MBTD1: variants seen among roughly 807,000 people sequenced by gnomAD.
MBTD1 encodes MBT domain-containing protein 1.
In MBTD1, 24 loss-of-function variants were observed where a neutral mutation model predicts 87.8. The ratio of observed to expected loss-of-function variants is 0.27; its 90% CI spans 0.20 to 0.38. The LOEUF is 0.38. Ranked by LOEUF, MBTD1 falls within the 10% of genes least tolerant of loss-of-function variation. The probability of loss-of-function intolerance (pLI) is 1.00; values close to 1 mark genes in which losing one functional copy is unlikely to be tolerated. For missense variants in MBTD1, 436 were observed against 760.2 expected (o/e 0.57, Z 5.02); for synonymous variants, 237 against 248.6 (o/e 0.95, Z 0.44).
At chr17:51,196,225 CTT>C (rs770871296) in intron 12 of MBTD1, among the ~76,000 whole-genome samples, 30 of 134,592 alleles carry the variant, frequency 2.2e-4, no homozygotes, top group African/African-American at 4.9e-4. Context: ...CCCACCCTGC[CTT>C]TTTTTTTTTT....
intron 12 of MBTD1, among the ~76,000 whole-genome samples, chr17:51,198,294 T>G (rs1414476792): frequency 2.0e-5 from 3 of 152,224 alleles, no homozygotes; most frequent in Non-Finnish European, 4.4e-5. Flanking sequence ...CAACCTCTGT[T>G]CAGGCCAGTA....
chr17:51,195,491 T>C (rs1426849246), intron 12 of MBTD1, 130 bp from the exon 13 acceptor site: 18 of 612,446 alleles, frequency 2.9e-5, no homozygotes, highest in Non-Finnish European at 4.0e-5. Flanking sequence ...TGCTTCTCTA[T>C]TGAGTTATGT....
intron 2 of MBTD1, among the ~76,000 whole-genome samples, chr17:51,257,058 A>G (rs888050629): frequency 6.6e-6 from 1 of 152,222 alleles, no homozygotes; most frequent in African/African-American, 2.4e-5. Context: ...AAAATCCTTA[A>G]GCCAAGGTTT....
upstream of MBTD1, chr17:51,260,481 T>G: frequency 5.4e-6 from 7 of 1,288,816 alleles, no homozygotes; most frequent in Non-Finnish European, 6.3e-6. Flanking sequence ...CTGCGCAGGC[T>G]CCTTCCGGCC....
At chr17:51,223,763 G>A (rs1225209208) in intron 3 of MBTD1, among the ~76,000 whole-genome samples, 1 of 152,084 alleles carries the variant, frequency 6.6e-6, no homozygotes. Context: ...TTGAACCCGG[G>A]AGGTGGAGGC....
intron 13 of MBTD1, 43 bp from the exon 14 acceptor site, chr17:51,193,553 A>AT: frequency 1.9e-6 from 2 of 1,059,998 alleles, no homozygotes; most frequent in Non-Finnish European, 2.9e-6. Flanking sequence ...ATTTAAAATT[A>AT]GCATAATATT....
chr17:51,186,419 G>C (rs1218345479), intron 16 of MBTD1: 2 of 151,672 alleles, frequency 1.3e-5, no homozygotes, highest in South Asian at 4.2e-4. Context: ...CGAGAGTCTG[G>C]TAATAACTAG....
At chr17:51,222,436 G>A (rs6504697) in intron 3 of MBTD1, among the ~76,000 whole-genome samples, 15,170 of 152,066 alleles carry the variant, frequency 0.1, 1,153 homozygotes, top group African/African-American at 0.2. Context: ...ACACAGTCTC[G>A]CTCTGTCACC....
rs769822593 is a variant in MBTD1 at position 51,201,711 on chromosome 17, G to A, written c.1120-15C>T. ...ACTTCTTTTACCTAAAGAATTATATGAAAGCACATCTACTGTTACAAATGT... is the reference window on the plus strand; with the variant it reads ...ACTTCTTTTACCTAAAGAATTATATAAAAGCACATCTACTGTTACAAATGT... On this transcript the variant is annotated splice_polypyrimidine_tract_variant and intron_variant, in intron 11 of 16. Transcript: ENST00000586178. The A allele has an allele frequency of 2.4e-5, 35 of 1,435,028 alleles. No individual in the cohort carries two copies. Among genetic ancestry groups the A allele is most frequent in the Non-Finnish European group, 3.1e-5 (32 of 1,022,292 alleles). 88.9% of individuals were successfully genotyped at this position (1,435,028 alleles called of 1,614,324 possible). A position where few individuals can be genotyped will look rare whatever the true frequency, so the allele number is the denominator to read the frequency against.
At position 51,217,359 on chromosome 17, in the gene MBTD1, G is replaced by C. The variant is rs1262851076; in HGVS notation, c.461C>G (p.Ala154Gly). ...ATGTTTAAAACAGGTAACCGGAGCT[G>C]CTATAAAGCTATTGCTATTGATGTA... ...GNYINSNSFI[A>G]APVTCFKHAP... The change falls in exon 6 of 17, where the codon GCA (alanine) becomes GGA (glycine). Residue 154 changes from alanine to glycine, a missense_variant. Physicochemically the swap from Ala to Gly is moderately conservative, Grantham distance 60. Around this residue, in one of 5 missense-constraint regions of MBTD1, gnomAD observed 268 missense variants for 401.8 expected, o/e 0.67. Coordinates refer to ENST00000586178, the MANE Select transcript of MBTD1 (RefSeq NM_017643.3). 6.5e-7 allele frequency: 1 copy of C among 1,538,660 alleles called. No individual in the cohort carries two copies. The highest frequency in any genetic ancestry group is 2.1e-5 in the Admixed American group (1 of 48,718).
At chr17:51,226,211 C>A (rs1292635670) in intron 2 of MBTD1, among the ~76,000 whole-genome samples, 3 of 150,632 alleles carry the variant, frequency 2.0e-5, no homozygotes, top group Non-Finnish European at 4.4e-5. Flanking sequence ...AACAAAAAAA[C>A]CATATAAAAA....
At chr17:51,181,181 C>T (rs1323138020) in intron 16 of MBTD1, among the ~76,000 whole-genome samples, 1 of 152,064 alleles carries the variant, frequency 6.6e-6, no homozygotes, top group Non-Finnish European at 1.5e-5. Flanking sequence ...CACCCACCAC[C>T]ACGCCCAGCT....
intron 13 of MBTD1, 145 bp downstream of exon 13, chr17:51,195,069 A>G (rs2051022067): frequency 1.7e-6 from 1 of 572,724 alleles, no homozygotes; most frequent in East Asian, 3.1e-5. Flanking sequence ...TTTTAGAGCA[A>G]CCTACAGCTC....
intron 2 of MBTD1, chr17:51,256,610 T>C (rs533946702): frequency 6.6e-6 from 1 of 152,328 alleles, no homozygotes; most frequent in African/African-American, 2.4e-5. Flanking sequence ...TGTGTGTATG[T>C]CCAGTATGCC....
At chr17:51,249,289 T>C (rs2054635233) in intron 2 of MBTD1, among the ~76,000 whole-genome samples, 1 of 152,128 alleles carries the variant, frequency 6.6e-6, no homozygotes, top group Non-Finnish European at 1.5e-5. Context: ...ATTAGGGATA[T>C]ACTTGAAGAT....
intron 16 of MBTD1, chr17:51,183,607 T>C (rs931040208): frequency 9.9e-5 from 15 of 152,252 alleles, no homozygotes; most frequent in African/African-American, 3.6e-4. Flanking sequence ...CATATAATCA[T>C]AGCAAACACC....
chr17:51,237,803 G>A (rs985562105), intron 2 of MBTD1, among the ~76,000 whole-genome samples: 2 of 152,132 alleles, frequency 1.3e-5, no homozygotes, highest in African/African-American at 2.4e-5. Flanking sequence ...ATATATCTGC[G>A]AGAAATGAAG....
At chr17:51,201,726 G>C in intron 11 of MBTD1, 30 bp from the exon 12 acceptor site, 1 of 1,325,514 alleles carries the variant, frequency 7.5e-7, no homozygotes, top group Non-Finnish European at 1.1e-6. Context: ...CACATCTACT[G>C]TTACAAATGT....
chr17:51,235,576 C>T (rs941379561), intron 2 of MBTD1, among the ~76,000 whole-genome samples: 1 of 152,288 alleles, frequency 6.6e-6, no homozygotes, highest in East Asian at 1.9e-4. Flanking sequence ...ACCGCATTAA[C>T]AGACCAAAGA....
Sources: gnomAD v4.1 joint callset for allele counts (sites outside exome capture counted in the v4.1 genomes callset) on GRCh38, gnomAD v4.1.1 for gene constraint, gnomAD v4.1.1 regional missense constraint, MANE v1.5 for transcripts, NCBI Gene and HGNC (gene_info 2026-07-23, HGNC 2026-07-21) for gene names.